PTBP2: variants seen among roughly 807,000 people sequenced by gnomAD.
The protein encoded by PTBP2 is polypyrimidine tract binding protein 2, also known as polypyrimidine tract-binding protein 2.
In PTBP2, 13 loss-of-function variants were observed where a neutral mutation model predicts 61.4. The observed-to-expected ratio is 0.21, with a 90% confidence interval of 0.14 to 0.34. The LOEUF is 0.34. Ranked by LOEUF, PTBP2 falls within the 10% of genes least tolerant of loss-of-function variation. The pLI, the probability that PTBP2 is intolerant of heterozygous loss-of-function variation, is 1.00. For synonymous variants in PTBP2, 215 were observed against 218.5 expected (o/e 0.98, Z 0.14); for missense variants, 405 against 642.6 (o/e 0.63, Z 4.00).
chr1:96,767,210 A>G (rs1426598328), intron 3 of PTBP2, among the ~76,000 whole-genome samples: 2 of 152,086 alleles, frequency 1.3e-5, no homozygotes, highest in Admixed American at 6.5e-5. Flanking sequence ...CTTAATATCC[A>G]CTATCCAGAA....
intron 5 of PTBP2, among the ~76,000 whole-genome samples, chr1:96,776,010 C>T (rs916324824): frequency 2.8e-4 from 42 of 151,680 alleles, no homozygotes; most frequent in Admixed American, 2.0e-3. Context: ...GGAAGGATAT[C>T]GAAGATAATA....
intron 2 of PTBP2, among the ~76,000 whole-genome samples, chr1:96,743,557 T>C (rs886772214): frequency 6.9e-6 from 1 of 145,658 alleles, no homozygotes; most frequent in South Asian, 2.1e-4. Context: ...GGCGCTATTC[T>C]TTTTTTCTGT....
chr1:96,753,160 C>T (rs892917283), intron 3 of PTBP2, among the ~76,000 whole-genome samples: 1 of 152,162 alleles, frequency 6.6e-6, no homozygotes, highest in African/African-American at 2.4e-5. Flanking sequence ...TACATGTGTG[C>T]AGGTTGAGGC....
chr1:96,782,712 G>A (rs1423899823), intron 7 of PTBP2, among the ~76,000 whole-genome samples: 1 of 151,902 alleles, frequency 6.6e-6, no homozygotes, highest in Non-Finnish European at 1.5e-5. Context: ...GGAAGTTAAG[G>A]TTTCTCTCAG....
intron 8 of PTBP2, among the ~76,000 whole-genome samples, chr1:96,791,064 A>T (rs143316964): frequency 2.6e-4 from 39 of 151,060 alleles, no homozygotes; most frequent in African/African-American, 8.7e-4. Context: ...CATTGAGAGG[A>T]TATACATCTC....
chr1:96,788,251 T>C (rs1659417182), intron 8 of PTBP2, among the ~76,000 whole-genome samples: 1 of 152,152 alleles, frequency 6.6e-6, no homozygotes, highest in Non-Finnish European at 1.5e-5. Flanking sequence ...ATGCATATTT[T>C]GGATGAGCCA....
chr1:96,814,484 A>G lies in PTBP2; in HGVS notation c.*1079A>G, dbSNP rs910300988. On this transcript the variant is annotated 3_prime_UTR_variant, in exon 14 of 14. Transcript: ENST00000674951. ...TAGTCTTAATTTACCTTGCATTGTA[A>G]TATTCAGTTTTAATAAATCTTCAAA... 3.9e-5 allele frequency: 6 copies of G among 152,556 alleles called. No homozygotes were observed. The highest frequency in any genetic ancestry group is 1.4e-4 in the African/African-American group (6 of 41,460). 9.5% of individuals were successfully genotyped at this position (152,556 alleles called of 1,614,324 possible).
chr1:96,742,654 A>G (rs928927951), intron 2 of PTBP2, among the ~76,000 whole-genome samples: 5 of 142,950 alleles, frequency 3.5e-5, no homozygotes, highest in African/African-American at 1.3e-4. Context: ...ATCAGCTGAT[A>G]GCTTTGGCTT....
rs1662367281 is a variant in PTBP2 at position 96,814,618 on chromosome 1, A to C, written c.*1213A>C. 6.6e-6 allele frequency: 1 copy of C among 152,546 alleles called. No homozygotes were observed. The highest frequency in any genetic ancestry group is 1.5e-5 in the Non-Finnish European group (1 of 67,972). The allele number at this position is 152,546 out of a possible 1,614,324, so 9.4% of individuals were successfully genotyped here. ...TCAATCCGAATTGTTGATTCTGTTT[A>C]AATGACCAATACTTTTTGAAATTGA... On this transcript the variant is annotated 3_prime_UTR_variant, in exon 14 of 14. Transcript: ENST00000674951.
At chr1:96,760,653 G>C (rs1271905217) in intron 3 of PTBP2, among the ~76,000 whole-genome samples, 1 of 151,984 alleles carries the variant, frequency 6.6e-6, no homozygotes, top group Non-Finnish European at 1.5e-5. Flanking sequence ...CGCCATGTTG[G>C]CCAGGATGGT....
chr1:96,747,417 C>CA (rs1437327516), intron 2 of PTBP2, among the ~76,000 whole-genome samples: 6 of 152,090 alleles, frequency 3.9e-5, no homozygotes, highest in Admixed American at 1.3e-4. Context: ...CTTACATACT[C>CA]AGAGTTCATA....
intron 8 of PTBP2, among the ~76,000 whole-genome samples, chr1:96,791,211 GTGA>G (rs1222394909): frequency 1.2e-4 from 19 of 152,158 alleles, no homozygotes; most frequent in Non-Finnish European, 2.5e-4. Context: ...TTCATACACA[GTGA>G]TGAAGGGAAA....
At chr1:96,731,491 A>G (rs967903588) in intron 2 of PTBP2, among the ~76,000 whole-genome samples, 5 of 152,110 alleles carry the variant, frequency 3.3e-5, no homozygotes, top group African/African-American at 4.8e-5. Context: ...TCAAATATAT[A>G]TATTTGAATT....
intron 2 of PTBP2, among the ~76,000 whole-genome samples, chr1:96,729,732 A>ATT (rs748378072): frequency 1.7e-3 from 190 of 110,386 alleles, no homozygotes; most frequent in Non-Finnish European, 2.2e-3. Context: ...TGATACTACT[A>ATT]TTTTTTTTTT....
chr1:96,769,319 T>A (rs1426654427), intron 3 of PTBP2, among the ~76,000 whole-genome samples: 2 of 152,046 alleles, frequency 1.3e-5, no homozygotes, highest in Non-Finnish European at 2.9e-5. Context: ...TATAATCTTA[T>A]GGGACCACCA....
chr1:96,722,015 A>G, intron 1 of PTBP2, 143 bp downstream of exon 1: 1 of 1,073,530 alleles, frequency 9.3e-7, no homozygotes, highest in South Asian at 1.5e-5. Flanking sequence ...CATCGCACAC[A>G]CCCCTCCCTT....
chr1:96,755,236 T>A (rs1172643236), intron 3 of PTBP2, among the ~76,000 whole-genome samples: 2 of 152,144 alleles, frequency 1.3e-5, no homozygotes, highest in Non-Finnish European at 2.9e-5. Context: ...AGTAAGCACG[T>A]GAAAAAGCTG....
At chr1:96,781,507 G>A (rs1399770643) in intron 7 of PTBP2, among the ~76,000 whole-genome samples, 2 of 151,688 alleles carry the variant, frequency 1.3e-5, no homozygotes, top group African/African-American at 2.4e-5. Context: ...CTGATGTCTC[G>A]ATCTTACAGA....
chr1:96,722,119 G>C (rs1174837282), intron 1 of PTBP2, among the ~76,000 whole-genome samples: 1 of 152,192 alleles, frequency 6.6e-6, no homozygotes, highest in Non-Finnish European at 1.5e-5. Context: ...TGAGGATCCC[G>C]GAGTGGGAGC....
Sources: gnomAD v4.1 joint callset for allele counts (sites outside exome capture counted in the v4.1 genomes callset) on GRCh38, gnomAD v4.1.1 for gene constraint, MANE v1.5 for transcripts, NCBI Gene and HGNC (gene_info 2026-07-23, HGNC 2026-07-21) for gene names.